The following RAI14 variants were observed in gnomAD, a reference collection of about 807,000 sequenced individuals.
The protein encoded by RAI14 is retinoic acid induced 14, also known as ankycorbin.
Under a neutral mutation model 115.4 loss-of-function variants are expected in RAI14, and 45 were observed. The ratio of observed to expected loss-of-function variants is 0.39; its 90% confidence interval spans 0.31 to 0.50. The LOEUF (loss-of-function observed/expected upper bound fraction) is 0.50. Ranked by LOEUF, RAI14 falls within the 20% of genes least tolerant of loss-of-function variation. The pLI is 0.85. For synonymous variants in RAI14, 371 were observed against 415.4 expected (o/e 0.89, Z 1.30); for missense variants, 939 against 1,131.2 (o/e 0.83, Z 2.44).
intron 2 of RAI14, among the ~76,000 whole-genome samples, chr5:34,702,324 A>G (rs946985133): frequency 3.3e-5 from 5 of 152,206 alleles, no homozygotes; most frequent in African/African-American, 9.6e-5. Flanking sequence ...TCTACTAAAA[A>G]TATGAAAAAT....
chr5:34,793,238 A>G (rs1391002502), intron 3 of RAI14, among the ~76,000 whole-genome samples: 4 of 152,182 alleles, frequency 2.6e-5, no homozygotes, highest in Non-Finnish European at 5.9e-5. Flanking sequence ...CCAAGTGATG[A>G]TCCTGAAACT....
intron 5 of RAI14, among the ~76,000 whole-genome samples, chr5:34,803,994 G>A (rs1404679363): frequency 6.6e-6 from 1 of 152,162 alleles, no homozygotes; most frequent in Non-Finnish European, 1.5e-5. Context: ...ATCAAAATTG[G>A]AGTGTCTTTT....
chr5:34,737,137 C>A (rs1047058282), intron 2 of RAI14, among the ~76,000 whole-genome samples: 1 of 152,142 alleles, frequency 6.6e-6, no homozygotes. Context: ...CTCCCCCGGC[C>A]CCTGGTCTAT....
chr5:34,687,944 T>C (rs539888373), intron 2 of RAI14: 25 of 973,598 alleles, frequency 2.6e-5, no homozygotes, highest in Non-Finnish European at 3.7e-5. Context: ...ACATGTAACT[T>C]ACTGCCCTGA....
chr5:34,700,767 G>A (rs1739966719), intron 2 of RAI14, among the ~76,000 whole-genome samples: 1 of 152,168 alleles, frequency 6.6e-6, no homozygotes. Flanking sequence ...CTACCTGTGT[G>A]CTTATTTTGT....
rs752362758 is a variant in RAI14 at position 34,807,856 on chromosome 5, A to G, written c.378A>G (p.Ala126=). 1.9e-6 allele frequency: 3 copies of G among 1,610,198 alleles called. No homozygotes were observed. In the Admixed American group the frequency reaches 5.0e-5, roughly 27 times the overall value. The change falls in exon 6 of 18, where the codon GCA becomes GCG. Residue 126 remains alanine (A), a splice_region_variant and synonymous_variant. Transcript: ENST00000265109. ...CTGGGAAAACAGCTTTACATTATGC[A>G]GGTAACTTTCATTCTCCTATTTGTC... ...DSSGKTALHY[A]AAQGCLQAVQ...
intron 13 of RAI14, among the ~76,000 whole-genome samples, chr5:34,821,080 G>C (rs1439980140): frequency 6.6e-6 from 1 of 152,216 alleles, no homozygotes; most frequent in Non-Finnish European, 1.5e-5. Context: ...AAGTAGCAGT[G>C]TCATGAACCT....
chr5:34,813,262 G>C (rs1473326444), intron 10 of RAI14, among the ~76,000 whole-genome samples: 1 of 152,170 alleles, frequency 6.6e-6, no homozygotes, highest in Non-Finnish European at 1.5e-5. Context: ...AATACAGAAA[G>C]CTGGCTGTGA....
chr5:34,790,110 C>T (rs1375197236), intron 3 of RAI14, among the ~76,000 whole-genome samples: 2 of 152,116 alleles, frequency 1.3e-5, no homozygotes, highest in African/African-American at 4.8e-5. Context: ...AAAAGAAGTT[C>T]ATAGTGTGGT....
Position 34,823,854 on chromosome 5 carries a change from T to A in RAI14, c.2012T>A (p.Val671Asp). The change falls in exon 15 of 18, where the codon GTC (valine) becomes GAC (aspartate). Residue 671 changes from valine (V) to aspartate (D), a missense_variant. Coordinates refer to ENST00000265109, the MANE Select transcript of RAI14 (RefSeq NM_015577.3). This position sits in a 1 kb window ranked among gnomAD's most constrained non-coding sequence, Gnocchi z 4.5. ...AGGAAGAGGAAATCTCTAGAGGATG[T>A]CACAGCTGAATATATCCATAAAGCA... ...DYRKRKSLED[V>D]TAEYIHKAEH... 6.2e-7 allele frequency: 1 copy of A among 1,614,200 alleles called. No homozygotes were observed. Among genetic ancestry groups the A allele is most frequent in the Non-Finnish European group, 8.5e-7 (1 of 1,180,042 alleles).
intron 3 of RAI14, 25 bp from the exon 4 acceptor site, chr5:34,795,914 A>C (rs766825151): frequency 3.2e-6 from 5 of 1,581,540 alleles, no homozygotes; most frequent in Non-Finnish European, 4.3e-6. Flanking sequence ...AATCTCAAGG[A>C]GATTGTGTTT....
chr5:34,760,401 G>C (rs1456803842), intron 3 of RAI14, among the ~76,000 whole-genome samples: 2 of 152,116 alleles, frequency 1.3e-5, no homozygotes, highest in Non-Finnish European at 2.9e-5. Flanking sequence ...ACTTGGTCTG[G>C]GGAGAGGCCC....
chr5:34,752,326 A>C (rs1747138511), intron 2 of RAI14, among the ~76,000 whole-genome samples: 1 of 152,140 alleles, frequency 6.6e-6, no homozygotes, highest in Non-Finnish European at 1.5e-5. Context: ...AGGCCAATCA[A>C]CCTCCTGCTA....
At chr5:34,785,716 C>T (rs1040078974) in intron 3 of RAI14, among the ~76,000 whole-genome samples, 1 of 152,170 alleles carries the variant, frequency 6.6e-6, no homozygotes. Flanking sequence ...TTTATTCACC[C>T]AATAAGCTGC....
chr5:34,818,709 C>T lies in RAI14; in HGVS notation c.940-88C>T, dbSNP rs141563910. On this transcript the variant is annotated intron_variant, in intron 12 of 17. Coordinates refer to ENST00000265109, the MANE Select transcript of RAI14 (RefSeq NM_015577.3). Reference sequence around the variant, plus strand: ...GTAGGATCATACCAGATCTGCTCTGCGTAAGCTCAAGGAGGAAAGTCTGCT... The same window carrying T: ...GTAGGATCATACCAGATCTGCTCTGTGTAAGCTCAAGGAGGAAAGTCTGCT... The T allele has an allele frequency of 4.7e-5, 52 of 1,100,654 alleles. No individual in the cohort carries two copies. In the East Asian group the frequency reaches 4.7e-4, roughly 10 times the overall value. 68.2% of individuals were successfully genotyped at this position (1,100,654 alleles called of 1,614,324 possible).
intron 1 of RAI14, among the ~76,000 whole-genome samples, chr5:34,667,877 G>A (rs570008740): frequency 2.1e-4 from 32 of 152,286 alleles, no homozygotes; most frequent in African/African-American, 7.5e-4. Flanking sequence ...CAGATTCCAT[G>A]CTGAGGCTCT....
intron 14 of RAI14, among the ~76,000 whole-genome samples, chr5:34,822,344 A>G (rs1187183311): frequency 6.7e-6 from 1 of 149,992 alleles, no homozygotes; most frequent in Non-Finnish European, 1.5e-5. Context: ...GGCTGTACCA[A>G]AAAATAAGAA....
intron 3 of RAI14, among the ~76,000 whole-genome samples, chr5:34,793,396 T>A (rs1480571188): frequency 6.6e-6 from 1 of 151,964 alleles, no homozygotes; most frequent in Non-Finnish European, 1.5e-5. Flanking sequence ...CCAGAGGTAA[T>A]CCAAGAAGCC....
intron 3 of RAI14, among the ~76,000 whole-genome samples, chr5:34,787,893 ATTTTTTTTTTTT>A (rs70973012): frequency 4.5e-3 from 112 of 25,034 alleles, no homozygotes; most frequent in African/African-American, 0.011. Context: ...GATACTACTG[ATTTTTTTTTTTT>A]TTTTTTTTTT....
Sources: gnomAD v4.1 joint callset for allele counts (sites outside exome capture counted in the v4.1 genomes callset) on GRCh38, gnomAD v4.1.1 for gene constraint, Gnocchi (gnomAD v3.1) non-coding constraint, MANE v1.5 for transcripts, NCBI Gene and HGNC (gene_info 2026-07-23, HGNC 2026-07-21) for gene names.